Variants in ZNF25 observed in about 807,000 individuals in gnomAD.
ZNF25 encodes zinc finger protein 25 (KOX 19).
Under a neutral mutation model 30.9 loss-of-function variants are expected in ZNF25, and 21 were observed. The observed-to-expected ratio is 0.68, with a 90% CI of 0.48 to 0.98. ZNF25 has a LOEUF of 0.98. Ranked by LOEUF, ZNF25 falls within the 50% of genes least tolerant of loss-of-function variation. The probability of loss-of-function intolerance (pLI) is 0.00; values close to 1 mark genes in which losing one functional copy is unlikely to be tolerated. For missense variants in ZNF25, 501 were observed against 529.9 expected (o/e 0.95, Z 0.54); for synonymous variants, 169 against 181.3 (o/e 0.93, Z 0.55).
rs144606678 is a variant in ZNF25 at position 37,963,076 on chromosome 10, T to C, written c.16-5530A>G. On this transcript the variant is annotated intron_variant, in intron 2 of 5. Transcript: ENST00000302609. ...AGAATCTTTTTTTTTTTTTAAACCA[T>C]CAACCAGTGGAGTACTTTTTTTTTC... Among the ~76,000 whole-genome samples, 55 of 150,882 alleles carry C rather than the reference T, an allele frequency of 3.6e-4. No homozygotes were observed. The East Asian group carries it at 0.011, about 29-fold the overall frequency.
rs533395964 is a variant in ZNF25, at chr10:37,950,513, C to T, written c.*1614G>A. On this transcript the variant is annotated 3_prime_UTR_variant, in exon 6 of 6. Transcript: ENST00000302609. ...GGAAAACAAACAAACAACAAACAAC[C>T]AAATCAAGGCACTGGCAGCAAGAAG... 1 of 152,220 alleles carries T rather than the reference C, an allele frequency of 6.6e-6. No individual in the cohort carries two copies. The highest frequency in any genetic ancestry group is 2.1e-4 in the South Asian group (1 of 4,800). 9.4% of individuals were successfully genotyped at this position (152,220 alleles called of 1,614,324 possible).
intron 2 of ZNF25, among the ~76,000 whole-genome samples, chr10:37,968,946 C>T (rs1288360424): frequency 6.6e-6 from 1 of 152,026 alleles, no homozygotes; most frequent in Non-Finnish European, 1.5e-5. Context: ...CAATCACCTG[C>T]ATATACCAAT....
intron 1 of ZNF25, among the ~76,000 whole-genome samples, chr10:37,972,725 G>A (rs1293393734): frequency 1.3e-5 from 2 of 152,118 alleles, no homozygotes; most frequent in African/African-American, 2.4e-5. Context: ...ACCATGCAGG[G>A]CATCCAAATT....
At chr10:37,976,394 G>C (rs1005705559) in intron 1 of ZNF25, 112 bp downstream of exon 1, 1 of 152,334 alleles carries the variant, frequency 6.6e-6, no homozygotes, top group Non-Finnish European at 1.5e-5. Flanking sequence ...TCCCCACCAG[G>C]CGGCTCCCAC....
At chr10:37,963,662 AC>A (rs2063016843) in intron 2 of ZNF25, among the ~76,000 whole-genome samples, 1 of 152,172 alleles carries the variant, frequency 6.6e-6, no homozygotes, top group Non-Finnish European at 1.5e-5. Context: ...GATTCGGTTC[AC>A]ATGAGATCTG....
Position 37,952,490 on chromosome 10 carries a change from G to A in ZNF25, c.1008C>T (p.His336=). Residue 336 remains histidine (H), a synonymous_variant, in exon 6 of 6, where the codon CAC becomes CAT. Coordinates refer to ENST00000302609, the MANE Select transcript of ZNF25 (RefSeq NM_145011.4). ...KSALTVHQRT[H]TGEKPFECNK... is the part of the protein sequence containing the mutation. The stretch of plus-strand genomic sequence containing the variant: ...TACATTCAAAGGGTTTCTCCCCTGT[G>A]TGAGTTCGCTGATGTACTGTGAGGG... 2 of 1,614,074 alleles carry A rather than the reference G, an allele frequency of 1.2e-6. No individual in the cohort carries two copies. The highest frequency in any genetic ancestry group is 1.7e-6 in the Non-Finnish European group (2 of 1,179,988).
Position 37,953,056 on chromosome 10 carries a change from A to T in ZNF25, c.442T>A (p.Cys148Ser). 6.2e-7 allele frequency: 1 copy of T among 1,614,046 alleles called. No individual in the cohort carries two copies. The highest frequency in any genetic ancestry group is 8.5e-7 in the Non-Finnish European group (1 of 1,180,002). The change falls in exon 6 of 6, where the codon TGT (cysteine) becomes AGT (serine). Residue 148 changes from cysteine (C) to serine (S), a missense_variant. Coordinates refer to ENST00000302609, the MANE Select transcript of ZNF25 (RefSeq NM_145011.4). ...GAGAAAGATTTCCCACATTTATCACAGTCATAGGATTTGCCCTTTGAGTGA... is the reference window on the plus strand; with the variant it reads ...GAGAAAGATTTCCCACATTTATCACTGTCATAGGATTTGCCCTTTGAGTGA... ...HTHSKGKSYD[C>S]DKCGKSFSKN... is the part of the protein sequence containing the mutation.
intron 2 of ZNF25, among the ~76,000 whole-genome samples, chr10:37,966,724 T>C (rs1413759387): frequency 1.3e-5 from 2 of 151,984 alleles, no homozygotes; most frequent in Non-Finnish European, 2.9e-5. Context: ...CCTCCAACAT[T>C]GAGGGTTACA....
chr10:37,962,588 A>G (rs1473337906), intron 2 of ZNF25, among the ~76,000 whole-genome samples: 1 of 152,224 alleles, frequency 6.6e-6, no homozygotes, highest in Non-Finnish European at 1.5e-5. Flanking sequence ...ATAATAGGTG[A>G]GCACTTTGTT....
intron 1 of ZNF25, among the ~76,000 whole-genome samples, chr10:37,975,969 C>A (rs1011482156): frequency 6.6e-6 from 1 of 152,158 alleles, no homozygotes; most frequent in Non-Finnish European, 1.5e-5. Flanking sequence ...CTTTAATAGT[C>A]ACATTTATTT....
At chr10:37,956,915 CAAA>C (rs9299755) in intron 4 of ZNF25, 102 bp downstream of exon 4, 1,352 of 514,454 alleles carry the variant, frequency 2.6e-3, no homozygotes, top group Middle Eastern at 3.3e-3. Context: ...AACTCTGTTT[CAAA>C]AAAAAAAAAA....
In ZNF25 at chr10:37,950,136, C is replaced by T. The variant is rs1177759252; in HGVS notation, c.*1991G>A. On this transcript the variant is annotated 3_prime_UTR_variant, in exon 6 of 6. Transcript: ENST00000302609. ...TGCTTTTATTTTCAGCTCTAAGTAA[C>T]AGAAAAACTTACTTTGTAAAGTGCT... 6.6e-6 allele frequency: 1 copy of T among 152,508 alleles called. No individual in the cohort carries two copies. Among genetic ancestry groups the T allele is most frequent in the African/African-American group, 2.4e-5 (1 of 41,382 alleles). 9.4% of individuals were successfully genotyped at this position (152,508 alleles called of 1,614,324 possible).
At chr10:37,971,550 G>A (rs571374849) in intron 2 of ZNF25, among the ~76,000 whole-genome samples, 158 bp downstream of exon 2, 3 of 151,024 alleles carry the variant, frequency 2.0e-5, no homozygotes, top group East Asian at 2.0e-4. Context: ...TTATTCAAAC[G>A]GTATTTTGCC....
At chr10:37,975,884 T>C (rs58668540) in intron 1 of ZNF25, among the ~76,000 whole-genome samples, 1,685 of 152,236 alleles carry the variant, frequency 0.011, 40 homozygotes, top group African/African-American at 0.038. Context: ...GCAAGGCGCA[T>C]TAACTCAGAG....
intron 1 of ZNF25, among the ~76,000 whole-genome samples, chr10:37,972,523 T>G (rs2063547081): frequency 6.6e-6 from 1 of 152,086 alleles, no homozygotes; most frequent in African/African-American, 2.4e-5. Context: ...CCCTCAAAAC[T>G]TGGGCTGGGC....
chr10:37,971,657 AC>A (rs747341723), intron 2 of ZNF25, 50 bp downstream of exon 2: 12 of 1,611,802 alleles, frequency 7.4e-6, no homozygotes, highest in Non-Finnish European at 9.3e-6. Flanking sequence ...ACACACACAC[AC>A]ACACACACAC....
intron 2 of ZNF25, among the ~76,000 whole-genome samples, chr10:37,964,832 T>C (rs1252331001): frequency 6.6e-6 from 1 of 152,134 alleles, no homozygotes; most frequent in African/African-American, 2.4e-5. Flanking sequence ...TGGAGCCAAG[T>C]AACAATCCAA....
chr10:37,969,665 T>C (rs2063381155), intron 2 of ZNF25, among the ~76,000 whole-genome samples: 1 of 152,196 alleles, frequency 6.6e-6, no homozygotes, highest in Non-Finnish European at 1.5e-5. Flanking sequence ...TTTGGGATGG[T>C]GAAAATGTTT....
In ZNF25 at chr10:37,957,098, G is replaced by T; in HGVS notation, c.160C>A (p.Pro54Thr). ...LVSVGYHVNK[P>T]NAVFKLKQGK... ...TGCTTCAACTTGAAGACTGCATTTG[G>T]CTTATTCACATGGTAACCTATGAAT... Residue 54 changes from proline (P) to threonine (T), a missense_variant, in exon 4 of 6, where the codon CCA becomes ACA. Transcript: ENST00000302609. 1 of 1,613,870 alleles carries T rather than the reference G, an allele frequency of 6.2e-7. No homozygotes were observed. Among genetic ancestry groups the T allele is most frequent in the South Asian group, 1.1e-5 (1 of 91,064 alleles).
Sources: allele counts gnomAD v4.1 joint callset (sites outside exome capture counted in the v4.1 genomes callset), GRCh38; gene constraint gnomAD v4.1.1; transcripts MANE v1.5; gene names NCBI Gene and HGNC (gene_info 2026-07-23, HGNC 2026-07-21).